Variants in FRMD3 observed in about 807,000 individuals in gnomAD.
The protein encoded by FRMD3 is FERM domain-containing protein 3.
Under a neutral mutation model 70.2 loss-of-function variants are expected in FRMD3, and 33 were observed. The ratio of observed to expected loss-of-function variants is 0.47; its 90% CI spans 0.36 to 0.63. The LOEUF is 0.63. FRMD3 is among the 20% of genes least tolerant of loss of function. The pLI is 0.00. For missense variants in FRMD3, 632 were observed against 711.4 expected (o/e 0.89, Z 1.27); for synonymous variants, 279 against 255.9 (o/e 1.09, Z -0.86).
intron 1 of FRMD3, among the ~76,000 whole-genome samples, chr9:83,487,867 A>G (rs1182067861): frequency 6.6e-6 from 1 of 152,192 alleles, no homozygotes; most frequent in Non-Finnish European, 1.5e-5. Context: ...AACAACCCAA[A>G]ATAATAAAAT....
chr9:83,484,665 A>G (rs1459621570), intron 1 of FRMD3, among the ~76,000 whole-genome samples: 1 of 152,138 alleles, frequency 6.6e-6, no homozygotes, highest in Non-Finnish European at 1.5e-5. Context: ...TGATCCGCCC[A>G]CCTTGGCCTC....
chr9:83,405,285 G>A (rs921894522), intron 1 of FRMD3, among the ~76,000 whole-genome samples: 15 of 152,166 alleles, frequency 9.9e-5, no homozygotes, highest in East Asian at 7.8e-4. Context: ...GTGAAGCTCC[G>A]CCTCAGACCC....
intron 4 of FRMD3, among the ~76,000 whole-genome samples, chr9:83,347,111 G>C (rs117789069): frequency 0.021 from 3,202 of 152,254 alleles, 41 homozygotes; most frequent in Non-Finnish European, 0.035. Flanking sequence ...TAAATGAGAG[G>C]CTTGAGTTGT....
At chr9:83,338,284 T>C (rs1823644283) in intron 5 of FRMD3, among the ~76,000 whole-genome samples, 1 of 152,224 alleles carries the variant, frequency 6.6e-6, no homozygotes, top group Admixed American at 6.5e-5. Flanking sequence ...TGTGCACTGC[T>C]GAAGGGTGCT....
At chr9:83,273,634 GAA>G (rs35577227) in intron 13 of FRMD3, among the ~76,000 whole-genome samples, 3 of 106,412 alleles carry the variant, frequency 2.8e-5, no homozygotes, top group African/African-American at 4.3e-5. Context: ...AAAACCTGGG[GAA>G]AAAAAAAAAA....
At chr9:83,249,273 T>C (rs966354584) in intron 13 of FRMD3, among the ~76,000 whole-genome samples, 1 of 152,208 alleles carries the variant, frequency 6.6e-6, no homozygotes, top group Non-Finnish European at 1.5e-5. Flanking sequence ...GAAGGGAAAT[T>C]GCTTAATCAA....
intron 3 of FRMD3, among the ~76,000 whole-genome samples, chr9:83,361,315 C>T (rs1824575978): frequency 6.6e-6 from 1 of 152,174 alleles, no homozygotes; most frequent in Non-Finnish European, 1.5e-5. Context: ...TATTATGAAT[C>T]AATAACATGC....
chr9:83,507,542 C>T lies in FRMD3; in HGVS notation c.147+30543G>A, dbSNP rs1380203286. On this transcript the variant is annotated intron_variant, in intron 1 of 13. Coordinates refer to ENST00000304195, the MANE Select transcript of FRMD3 (RefSeq NM_174938.6). ...AAAATTAGCCAGGTGTGGTGGCGGG[C>T]GCCTGTAGTCCCAGTTACTTGGGAG... 4.1e-5 allele frequency among the ~76,000 whole-genome samples: 6 copies of T among 145,600 alleles called. No homozygotes were observed. In the East Asian group the frequency reaches 6.2e-4, roughly 15 times the overall value.
intron 11 of FRMD3, 148 bp from the exon 12 acceptor site, chr9:83,298,964 C>A (rs1834790242): frequency 1.0e-6 from 1 of 971,118 alleles, no homozygotes; most frequent in Non-Finnish European, 1.6e-6. Flanking sequence ...TTTGAGGGTG[C>A]CCTGTGAGCA....
intron 1 of FRMD3, among the ~76,000 whole-genome samples, chr9:83,485,126 A>T (rs1441572995): frequency 1.3e-5 from 2 of 152,224 alleles, no homozygotes; most frequent in African/African-American, 2.4e-5. Context: ...CCCAAATCAA[A>T]ATTCCACACC....
chr9:83,418,053 T>A (rs1826507308), intron 1 of FRMD3, among the ~76,000 whole-genome samples: 1 of 147,710 alleles, frequency 6.8e-6, no homozygotes, highest in South Asian at 2.1e-4. Flanking sequence ...TTTGAAGAGC[T>A]TGCCAGGGAA....
Position 83,335,622 on chromosome 9 carries a change from CG to C in FRMD3, c.489del (p.Tyr163Ter), listed in dbSNP as rs1564021859. ...TAATTCTCAGGATGCTCATCAGGAT[CG>C]TAATCACCAAGCTCAGCTGTAATGA... is the stretch of plus-strand genomic sequence containing the variant. ...ACIVQAELGDYDPDEHPENYI... is the reference protein window; with the variant it reads ...ACIVQAELGDXDPDEHPENYI... On this transcript the variant is annotated frameshift_variant, in exon 6 of 14. Coordinates refer to ENST00000304195, the MANE Select transcript of FRMD3 (RefSeq NM_174938.6). LOFTEE classifies it high-confidence loss of function. 1.9e-6 allele frequency: 3 copies of C among 1,612,670 alleles called. No individual in the cohort carries two copies.
At chr9:83,408,127 C>T (rs1312213265) in intron 1 of FRMD3, among the ~76,000 whole-genome samples, 4 of 152,128 alleles carry the variant, frequency 2.6e-5, no homozygotes, top group Non-Finnish European at 5.9e-5. Context: ...AAGTGAGTCA[C>T]TATGGCCAAC....
At position 83,450,444 on chromosome 9, in the gene FRMD3, G is replaced by C. The variant is rs145755384; in HGVS notation, c.148-60736C>G. On this transcript the variant is annotated intron_variant, in intron 1 of 13. Coordinates refer to ENST00000304195, the MANE Select transcript of FRMD3 (RefSeq NM_174938.6). The stretch of plus-strand genomic sequence containing the variant: ...ACATATGTATACATGTGCCATGCTG[G>C]TGTGCTGCACCCACTAATGTGTCAT... Among the ~76,000 whole-genome samples, 630 of 150,420 alleles carry C rather than the reference G, an allele frequency of 4.2e-3. 10 individuals carry two copies. Among genetic ancestry groups the C allele is most frequent in the African/African-American group, 0.014 (569 of 40,914 alleles).
intron 9 of FRMD3, among the ~76,000 whole-genome samples, chr9:83,310,230 A>G (rs956293689): frequency 1.1e-4 from 17 of 152,116 alleles, no homozygotes; most frequent in African/African-American, 4.1e-4. Context: ...TCCATCTTTT[A>G]TTTCCAAAGT....
At position 83,244,967 on chromosome 9, in the gene FRMD3, C is replaced by T; in HGVS notation, c.*2951G>A. The T allele has an allele frequency of 1.0e-6, 1 of 981,716 alleles. No homozygotes were observed. Among genetic ancestry groups the T allele is most frequent in the Non-Finnish European group, 1.2e-6 (1 of 826,680 alleles). 60.8% of individuals were successfully genotyped at this position (981,716 alleles called of 1,614,324 possible). ...ATATTGTGTGTGTATATGTATTTGCCATATGTGTGTGTGTATTATATATAT... is the reference window on the plus strand; with the variant it reads ...ATATTGTGTGTGTATATGTATTTGCTATATGTGTGTGTGTATTATATATAT... On this transcript the variant is annotated 3_prime_UTR_variant, in exon 14 of 14. Transcript: ENST00000304195.
At chr9:83,337,165 C>T (rs1003345978) in intron 5 of FRMD3, among the ~76,000 whole-genome samples, 1 of 152,256 alleles carries the variant, frequency 6.6e-6, no homozygotes. Context: ...CTGTTGAATA[C>T]GTATACTTGG....
Position 83,349,744 on chromosome 9 carries a change from G to T in FRMD3, c.309C>A (p.Tyr103Ter). 6.2e-7 allele frequency: 1 copy of T among 1,610,816 alleles called. No individual in the cohort carries two copies. The highest frequency in any genetic ancestry group is 8.5e-7 in the Non-Finnish European group (1 of 1,177,676). Residue 103 changes from tyrosine (Y) to a stop codon, truncating the protein, a stop_gained, in exon 4 of 14, where the codon TAC becomes TAA. Transcript: ENST00000304195. LOFTEE classifies it high-confidence loss of function. Reference sequence around the variant, plus strand: ...AGAATTTCACTCTAAAGCACATGGTGTATGGTGGATGAGCTGAAACATCAT... The same window carrying T: ...AGAATTTCACTCTAAAGCACATGGTTTATGGTGGATGAGCTGAAACATCAT... ...IFKQMKTHPPYTMCFRVKFYP... is the reference protein window; with the variant it reads ...IFKQMKTHPP
chr9:83,267,107 C>G, intron 13 of FRMD3: 1 of 1,550,704 alleles, frequency 6.4e-7, no homozygotes, highest in Non-Finnish European at 8.7e-7. Flanking sequence ...GAGGCTTCGT[C>G]GAGTCTGGAT....
Sources: allele counts gnomAD v4.1 joint callset (sites outside exome capture counted in the v4.1 genomes callset), GRCh38; gene constraint gnomAD v4.1.1; transcripts MANE v1.5; gene names NCBI Gene and HGNC (gene_info 2026-07-23, HGNC 2026-07-21).